MAF: variants seen among roughly 807,000 people sequenced by gnomAD.
The protein encoded by MAF is MAF bZIP transcription factor, also known as transcription factor Maf.
A neutral mutation model predicts 22.0 loss-of-function variants in MAF; 10 were observed. That is an observed-to-expected ratio of 0.45 (90% CI 0.28 to 0.77). The LOEUF (loss-of-function observed/expected upper bound fraction) is 0.77, where lower values mean the gene tolerates loss of function less well. Among genes scored for constraint, MAF ranks in the 30% least tolerant of loss-of-function variants. The pLI is 0.12. For synonymous variants in MAF, 337 were observed against 255.8 expected, an observed-to-expected ratio of 1.32 and a Z score of -3.03; for missense variants, 544 against 548.4, an observed-to-expected ratio of 0.99 and a Z score of 0.08.
downstream of MAF, among the ~76,000 whole-genome samples, chr16:79,581,586 C>T (rs1912520291): frequency 6.6e-6 from 1 of 152,146 alleles, no homozygotes; most frequent in African/African-American, 2.4e-5. Context: ...CAATTCTCAC[C>T]TCTACTGCCT....
the MAF span, among the ~76,000 whole-genome samples, chr16:79,530,119 A>G: frequency 3.3e-5 from 5 of 152,224 alleles, no homozygotes; most frequent in South Asian, 8.3e-4. Flanking sequence ...GTGAATTAGT[A>G]TTACTACGTA....
chr16:79,217,034 T>C, the MAF span, among the ~76,000 whole-genome samples: 404 of 152,330 alleles, frequency 2.7e-3, 5 homozygotes, highest in Admixed American at 0.022. Flanking sequence ...GGTCTCGAAC[T>C]CCTGCCCTAA....
chr16:79,364,599 C>T, the MAF span, among the ~76,000 whole-genome samples: 1 of 152,208 alleles, frequency 6.6e-6, no homozygotes, highest in African/African-American at 2.4e-5. Flanking sequence ...TTTCCAACTA[C>T]AAATCATGTA....
At chr16:79,386,340 T>C in the MAF span, among the ~76,000 whole-genome samples, 1 of 152,210 alleles carries the variant, frequency 6.6e-6, no homozygotes, top group South Asian at 2.1e-4. Context: ...CAGTGACAGA[T>C]CATCAGGCAT....
At chr16:79,563,321 T>C in the MAF span, among the ~76,000 whole-genome samples, 7 of 152,242 alleles carry the variant, frequency 4.6e-5, no homozygotes, top group Admixed American at 3.9e-4. Context: ...TCTCTAGAAC[T>C]AAATTATTAA....
chr16:79,255,068 T>C, the MAF span, among the ~76,000 whole-genome samples: 1 of 152,218 alleles, frequency 6.6e-6, no homozygotes, highest in African/African-American at 2.4e-5. Flanking sequence ...GGTGCAGTTT[T>C]ATGTCTCCTG....
the MAF span, among the ~76,000 whole-genome samples, chr16:79,430,929 C>A: frequency 6.6e-6 from 1 of 152,172 alleles, no homozygotes; most frequent in Admixed American, 6.5e-5. Flanking sequence ...TGGGTTGGGG[C>A]AGTGGGGAAT....
At chr16:79,545,795 G>C in the MAF span, among the ~76,000 whole-genome samples, 13 of 152,240 alleles carry the variant, frequency 8.5e-5, no homozygotes, top group African/African-American at 2.4e-4. Context: ...ATTTCAATTA[G>C]AGAGGAGGAA....
chr16:79,507,466 C>T, the MAF span, among the ~76,000 whole-genome samples: 1,193 of 149,100 alleles, frequency 8.0e-3, 6 homozygotes, highest in Non-Finnish European at 0.013. Flanking sequence ...ACTCTGTTGC[C>T]CAGGCTGGAG....
chr16:79,566,071 C>T, the MAF span, among the ~76,000 whole-genome samples: 1 of 152,176 alleles, frequency 6.6e-6, no homozygotes, highest in Non-Finnish European at 1.5e-5. Flanking sequence ...TAAAAACAAA[C>T]AAACGCAACC....
chr16:79,376,163 C>T, the MAF span, among the ~76,000 whole-genome samples: 4 of 151,306 alleles, frequency 2.6e-5, no homozygotes, highest in South Asian at 2.1e-4. Flanking sequence ...GTTACTTCTT[C>T]GTATGTATTA....
chr16:79,389,858 C>T, the MAF span, among the ~76,000 whole-genome samples: 1 of 151,136 alleles, frequency 6.6e-6, no homozygotes, highest in Non-Finnish European at 1.5e-5. Context: ...CGCCTGTAGT[C>T]CCAGCTACTA....
chr16:79,258,149 C>T, the MAF span, among the ~76,000 whole-genome samples: 2 of 152,310 alleles, frequency 1.3e-5, no homozygotes, highest in South Asian at 2.1e-4. Flanking sequence ...TGCTGCATTT[C>T]CCTAAGAAAG....
chr16:79,453,386 G>C, the MAF span, among the ~76,000 whole-genome samples: 3 of 152,116 alleles, frequency 2.0e-5, no homozygotes, highest in African/African-American at 7.2e-5. Flanking sequence ...TATCAACCAG[G>C]ATACTTTCTC....
At chr16:79,254,028 G>GTTT in the MAF span, among the ~76,000 whole-genome samples, 1 of 134,722 alleles carries the variant, frequency 7.4e-6, no homozygotes, top group African/African-American at 2.7e-5. Context: ...ATCTTTTTTT[G>GTTT]TTTTTTTTTT....
chr16:79,542,399 T>G, the MAF span, among the ~76,000 whole-genome samples: 1 of 152,114 alleles, frequency 6.6e-6, no homozygotes, highest in East Asian at 1.9e-4. Context: ...TTGGATTAGA[T>G]AGAGTCAAGG....
chr16:79,280,397 C>T, the MAF span, among the ~76,000 whole-genome samples: 1 of 152,202 alleles, frequency 6.6e-6, no homozygotes, highest in Admixed American at 6.5e-5. Context: ...AACCTCTATC[C>T]TCCTATTTTG....
chr16:79,281,440 C>G, the MAF span, among the ~76,000 whole-genome samples: 1 of 151,764 alleles, frequency 6.6e-6, no homozygotes, highest in Non-Finnish European at 1.5e-5. Flanking sequence ...TAAGGTGAGC[C>G]TTGCTTTAAG....
the MAF span, among the ~76,000 whole-genome samples, chr16:79,567,510 A>G: frequency 2.6e-5 from 4 of 152,216 alleles, no homozygotes; most frequent in African/African-American, 9.7e-5. Flanking sequence ...TTTTTTAAAA[A>G]AAGTAAGTAA....
Sources: gnomAD v4.1 joint callset for allele counts (sites outside exome capture counted in the v4.1 genomes callset) on GRCh38, gnomAD v4.1.1 for gene constraint, MANE v1.5 for transcripts, NCBI Gene and HGNC (gene_info 2026-07-23, HGNC 2026-07-21) for gene names.